MYO15A: variants seen among roughly 807,000 people sequenced by gnomAD.
MYO15A encodes the protein myosin XVA.
In MYO15A, 308 loss-of-function variants were observed where a neutral mutation model predicts 394.6. That is an observed-to-expected ratio of 0.78 (90% CI 0.71 to 0.86). The LOEUF is 0.86. Ranked by LOEUF, MYO15A falls within the 40% of genes least tolerant of loss-of-function variation. The probability of loss-of-function intolerance (pLI) is 0.00; values close to 1 mark genes in which losing one functional copy is unlikely to be tolerated. For synonymous variants in MYO15A, 1,957 were observed against 2,003.8 expected (o/e 0.98, Z 0.62); for missense variants, 4,606 against 4,799.1 (o/e 0.96, Z 1.19).
Position 18,153,985 on chromosome 17 carries a change from G to C in MYO15A, c.8088+89G>C. 6.2e-7 allele frequency: 1 copy of C among 1,607,832 alleles called. No homozygotes were observed. Among genetic ancestry groups the C allele is most frequent in the African/African-American group, 1.3e-5 (1 of 74,914 alleles). ...CAGAGGAGGGTCTAGGACTTGGGGA[G>C]GGAGCCCAGGAGGACAGAAAAAGGC... On this transcript the variant is annotated intron_variant, in intron 43 of 65. Transcript: ENST00000647165. The surrounding 1 kb of genome is among the most constrained non-coding windows in gnomAD (Gnocchi z 4.1).
In MYO15A at chr17:18,178,939, C is replaced by A; in HGVS notation, c.*69C>A. ...GTGTGGCCTCAGAGAAATCACTGAA[C>A]CTCTCAGGATCAATGACCCCTGTAA... On this transcript the variant is annotated 3_prime_UTR_variant, in exon 66 of 66. Coordinates refer to ENST00000647165, the MANE Select transcript of MYO15A (RefSeq NM_016239.4). The A allele has an allele frequency of 1.3e-6, 2 of 1,494,306 alleles. No homozygotes were observed. Among genetic ancestry groups the A allele is most frequent in the African/African-American group, 1.4e-5 (1 of 72,590 alleles). The allele number at this position is 1,494,306 out of a possible 1,614,324, so 92.6% of individuals were successfully genotyped here.
chr17:18,139,479 G>T, intron 18 of MYO15A, 55 bp from the exon 19 acceptor site: 1 of 1,566,364 alleles, frequency 6.4e-7, no homozygotes, highest in South Asian at 1.1e-5. Context: ...GTCCCTCCTA[G>T]GATAGACAGA....
In MYO15A at chr17:18,132,456, A is replaced by C; in HGVS notation, c.4210A>C (p.Lys1404Gln). ...LEKSRIVFQA[K>Q]NERNYHIFYE... ...TGCCCACCTACCCACTCTACAGGCC[A>C]AAAACGAGAGGAATTACCACATCTT... is the stretch of plus-strand genomic sequence containing the variant. The change falls in exon 11 of 66, where the codon AAA (lysine) becomes CAA (glutamine). Residue 1404 changes from lysine (K) to glutamine (Q), a missense_variant. Around this residue, in one of 2 missense-constraint regions of MYO15A, gnomAD observed 2,776 missense variants for 3,109.3 expected, o/e 0.89. Coordinates refer to ENST00000647165, the MANE Select transcript of MYO15A (RefSeq NM_016239.4). The surrounding 1 kb of genome is among the most constrained non-coding windows in gnomAD (Gnocchi z 4.6). The C allele has an allele frequency of 6.2e-7, 1 of 1,613,466 alleles. No individual in the cohort carries two copies. The highest frequency in any genetic ancestry group is 8.5e-7 in the Non-Finnish European group (1 of 1,179,828).
intron 29 of MYO15A, 61 bp downstream of exon 29, chr17:18,144,653 T>G: frequency 1.3e-6 from 2 of 1,523,650 alleles, no homozygotes; most frequent in Non-Finnish European, 1.8e-6. Flanking sequence ...AACTGGGCCA[T>G]GAGGCTCCCA....
At chr17:18,175,511 G>C (rs1199359607) in intron 65 of MYO15A, among the ~76,000 whole-genome samples, 1 of 151,690 alleles carries the variant, frequency 6.6e-6, no homozygotes, top group Non-Finnish European at 1.5e-5. Context: ...GGTTGTTCTT[G>C]AACTCCTGAC....
rs367799231 is a variant in MYO15A, at chr17:18,148,524, C to G, written c.6720C>G (p.Ser2240=). 8.2e-5 allele frequency: 128 copies of G among 1,552,752 alleles called. No homozygotes were observed. In the Middle Eastern group the frequency reaches 8.3e-4, roughly 10 times the overall value. The change falls in exon 32 of 66, where the codon TCC becomes TCG. Residue 2240 remains serine (S), a synonymous_variant. Transcript: ENST00000647165. The surrounding 1 kb of genome is among the most constrained non-coding windows in gnomAD (Gnocchi z 4.8). The part of the protein sequence containing the change: ...NGDQFSCPVH[S]WSTGEEVAGD... ...ACCAGTTCTCCTGCCCGGTGCACTC[C>G]TGGAGTACGGGGGAAGAGGTGGCTG...
In MYO15A at chr17:18,112,798, T is replaced by C. The variant is rs145470969; in HGVS notation, c.-220+3974T>C. Among the ~76,000 whole-genome samples the C allele has an allele frequency of 1.4e-4, 21 of 152,256 alleles. No individual in the cohort carries two copies. The East Asian group carries it at 3.3e-3, about 24-fold the overall frequency. Reference sequence around the variant, plus strand: ...AAAAATCAAACTAATATAGAAAGATTTACAGTGAGATAACTATTCTCATTA... The same window carrying C: ...AAAAATCAAACTAATATAGAAAGATCTACAGTGAGATAACTATTCTCATTA... On this transcript the variant is annotated intron_variant, in intron 1 of 65. Coordinates refer to ENST00000647165, the MANE Select transcript of MYO15A (RefSeq NM_016239.4).
Position 18,119,274 on chromosome 17 carries a change from C to T in MYO15A, c.474C>T (p.Ala158=), listed in dbSNP as rs945111640. 1.2e-6 allele frequency: 2 copies of T among 1,612,142 alleles called. No individual in the cohort carries two copies. Among genetic ancestry groups the T allele is most frequent in the Admixed American group, 3.3e-5 (2 of 60,024 alleles). The change falls in exon 2 of 66, where the codon GCC becomes GCT. Residue 158 remains alanine, a synonymous_variant. Transcript: ENST00000647165. ...GCAGCGAACAGGCCACAGTGGACGC[C>T]TGGCTGCAGCGCTCGAGCTCCCGCA... ...ESGSEQATVD[A]WLQRSSSRMG...
rs1467802432 is a variant in MYO15A at position 18,179,470 on chromosome 17, CCT to C, written c.*601_*602del. On this transcript the variant is annotated 3_prime_UTR_variant, in exon 66 of 66. Transcript: ENST00000647165. ...GCAGGAGTTGGAGTTACCTTAGGCC[CCT>C]GATTCACTGCCTATGAACAGACCAT... 10 of 180,264 alleles carry C rather than the reference CCT, an allele frequency of 5.5e-5. 2 individuals are homozygous for C. In the South Asian group the frequency reaches 9.4e-4, roughly 17 times the overall value. The allele number at this position is 180,264 out of a possible 1,614,324, so 11.2% of individuals were successfully genotyped here.
chr17:18,130,941 C>T (rs1425805075), intron 8 of MYO15A, 131 bp downstream of exon 8: 1 of 1,036,836 alleles, frequency 9.6e-7, no homozygotes, highest in East Asian at 2.5e-5. Flanking sequence ...AAAGGACATC[C>T]AAAGGCCTGT....
chr17:18,113,240 A>G (rs538858836), intron 1 of MYO15A, among the ~76,000 whole-genome samples: 1 of 152,188 alleles, frequency 6.6e-6, no homozygotes, highest in Non-Finnish European at 1.5e-5. Context: ...GCAGCCTCAA[A>G]ATCCTGGCTC....
chr17:18,178,119 C>A (rs996643065), intron 65 of MYO15A: 1 of 157,624 alleles, frequency 6.3e-6, no homozygotes, highest in African/African-American at 2.4e-5. Flanking sequence ...TGCCTGTAAT[C>A]CCAGCACTTT....
rs375921224 is a variant in MYO15A at position 18,132,477 on chromosome 17, A to G, written c.4231A>G (p.Ile1411Val). 1.8e-5 allele frequency: 29 copies of G among 1,613,882 alleles called. No homozygotes were observed. The highest frequency in any genetic ancestry group is 2.3e-5 in the Non-Finnish European group (27 of 1,180,042). Residue 1411 changes from isoleucine (I) to valine (V), a missense_variant, in exon 11 of 66, where the codon ATC (isoleucine) becomes GTC (valine). Ile to Val is a conservative substitution (Grantham distance 29). Around this residue, in one of 2 missense-constraint regions of MYO15A, gnomAD observed 2,776 missense variants for 3,109.3 expected, o/e 0.89. Transcript: ENST00000647165. The surrounding 1 kb of genome is among the most constrained non-coding windows in gnomAD (Gnocchi z 4.6). ...FQAKNERNYHIFYELLAGLPA... is the reference protein window; with the variant it reads ...FQAKNERNYHVFYELLAGLPA... ...GGCCAAAAACGAGAGGAATTACCAC[A>G]TCTTCTACGAGTTGCTGGCCGGGTT... is the stretch of plus-strand genomic sequence containing the variant.
rs1182911416 is a variant in MYO15A at position 18,113,453 on chromosome 17, T to TA, written c.-220+4635dup. 3.3e-5 allele frequency among the ~76,000 whole-genome samples: 5 copies of TA among 151,906 alleles called. No homozygotes were observed. In the South Asian group the frequency reaches 8.3e-4, roughly 25 times the overall value. ...GGCTGCAGTATTTCTAATATGGAAATAAAAAAGCAAACACAAGCTGAGCAT... is the reference window on the plus strand; with the variant it reads ...GGCTGCAGTATTTCTAATATGGAAATAAAAAAAGCAAACACAAGCTGAGCAT... On this transcript the variant is annotated intron_variant, in intron 1 of 65. Transcript: ENST00000647165.
At chr17:18,141,990 T>C in intron 23 of MYO15A, 89 bp from the exon 24 acceptor site, 1 of 1,526,592 alleles carries the variant, frequency 6.6e-7, no homozygotes, top group Non-Finnish European at 9.0e-7. Flanking sequence ...GCCCTGCCTA[T>C]TCTGTCTCCA....
chr17:18,142,373 C>T (rs1193053015), intron 24 of MYO15A, 119 bp downstream of exon 24: 3 of 1,206,468 alleles, frequency 2.5e-6, no homozygotes, highest in South Asian at 2.6e-5. Context: ...AGGGTGGAGG[C>T]CTCTGCAGGA....
intron 56 of MYO15A, chr17:18,160,886 C>T (rs2142397781): frequency 2.8e-6 from 1 of 358,816 alleles, no homozygotes; most frequent in East Asian, 7.3e-5. Context: ...ATCTGTACTA[C>T]CTCCTCACTT....
chr17:18,128,540 C>A (rs1567632399), intron 7 of MYO15A, among the ~76,000 whole-genome samples: 1 of 152,208 alleles, frequency 6.6e-6, no homozygotes, highest in South Asian at 2.1e-4. Flanking sequence ...CCCATCCCAG[C>A]CCAGGCCTCC....
chr17:18,166,813 A>T (rs1364107604), intron 61 of MYO15A, among the ~76,000 whole-genome samples: 1 of 152,122 alleles, frequency 6.6e-6, no homozygotes, highest in Non-Finnish European at 1.5e-5. Flanking sequence ...CCTTCTTTGC[A>T]TTCCCCTTTC....
Sources: gnomAD v4.1 joint callset for allele counts (sites outside exome capture counted in the v4.1 genomes callset) on GRCh38, gnomAD v4.1.1 for gene constraint, gnomAD v4.1.1 regional missense constraint, Gnocchi (gnomAD v3.1) non-coding constraint, MANE v1.5 for transcripts, NCBI Gene and HGNC (gene_info 2026-07-23, HGNC 2026-07-21) for gene names.